Variants in EXOC4 observed in about 807,000 individuals in gnomAD.
The protein encoded by EXOC4 is SEC8-like 1.
A neutral mutation model predicts 107.2 loss-of-function variants in EXOC4; 71 were observed. The observed-to-expected ratio is 0.66, with a 90% CI of 0.55 to 0.81. The LOEUF is 0.81. EXOC4 is among the 30% of genes least tolerant of loss of function. The probability of loss-of-function intolerance (pLI) is 0.00; values close to 1 mark genes in which losing one functional copy is unlikely to be tolerated. For synonymous variants in EXOC4, 456 were observed against 441.2 expected (o/e 1.03, Z -0.42); for missense variants, 1,108 against 1,189.6 (o/e 0.93, Z 1.01).
intron 17 of EXOC4, among the ~76,000 whole-genome samples, chr7:134,016,515 C>T (rs1794912170): frequency 6.6e-6 from 1 of 152,152 alleles, no homozygotes. Flanking sequence ...ATCCTTCTTC[C>T]CAATAAATGG....
At chr7:133,496,831 T>G (rs1487289691) in intron 9 of EXOC4, among the ~76,000 whole-genome samples, 4 of 152,152 alleles carry the variant, frequency 2.6e-5, no homozygotes, top group Admixed American at 1.3e-4. Context: ...CGGGGTTAGT[T>G]TTTTATATGG....
chr7:133,539,339 A>G (rs1274683819), intron 9 of EXOC4, among the ~76,000 whole-genome samples: 3 of 151,768 alleles, frequency 2.0e-5, no homozygotes, highest in Non-Finnish European at 4.4e-5. Context: ...TTATTGTCTG[A>G]CAAAAATGGC....
chr7:133,784,122 A>G (rs1356226168), intron 10 of EXOC4, among the ~76,000 whole-genome samples: 1 of 152,182 alleles, frequency 6.6e-6, no homozygotes, highest in African/African-American at 2.4e-5. Flanking sequence ...ATTTTTTAAA[A>G]GAGCTTTATC....
At chr7:133,776,390 A>C (rs1317106546) in intron 10 of EXOC4, among the ~76,000 whole-genome samples, 4 of 152,054 alleles carry the variant, frequency 2.6e-5, no homozygotes, top group African/African-American at 7.2e-5. Flanking sequence ...TTATTCAGTC[A>C]TTTTTCAGGA....
chr7:133,464,666 C>T (rs1380263876), intron 7 of EXOC4, among the ~76,000 whole-genome samples: 5 of 152,034 alleles, frequency 3.3e-5, no homozygotes, highest in African/African-American at 1.2e-4. Context: ...CTGAGAAAGA[C>T]TCTGTGATGA....
intron 5 of EXOC4, among the ~76,000 whole-genome samples, chr7:133,349,849 T>TGG (rs202140675): frequency 6.6e-6 from 1 of 151,438 alleles, no homozygotes; most frequent in African/African-American, 2.4e-5. Context: ...TGTTTTTTTT[T>TGG]GGGGGGGGTG....
the EXOC4 span, among the ~76,000 whole-genome samples, chr7:134,096,650 GT>G: frequency 1.3e-5 from 2 of 152,178 alleles, no homozygotes; most frequent in African/African-American, 4.8e-5. Flanking sequence ...CACTGGTTAA[GT>G]CCAAGAGTCC....
rs1221688200 is a variant in EXOC4, at chr7:133,467,263, T to C, written c.1183-8065T>C. ...TTGCAGAATGACTGATTAAATTTTG[T>C]TCATTTTATCTTCTCTGCATTGACT... On this transcript the variant is annotated intron_variant, in intron 7 of 17. Transcript: ENST00000253861. 2.0e-5 allele frequency among the ~76,000 whole-genome samples: 3 copies of C among 151,580 alleles called. No individual in the cohort carries two copies. The East Asian group carries it at 5.8e-4, about 29-fold the overall frequency.
intron 5 of EXOC4, among the ~76,000 whole-genome samples, chr7:133,341,156 T>A (rs1183312213): frequency 6.6e-6 from 1 of 152,180 alleles, no homozygotes; most frequent in Non-Finnish European, 1.5e-5. Flanking sequence ...GACTTTTTGA[T>A]GTAGGTGTTC....
chr7:134,007,883 C>A, intron 17 of EXOC4, 48 bp downstream of exon 17: 1 of 1,525,028 alleles, frequency 6.6e-7, no homozygotes, highest in South Asian at 1.3e-5. Context: ...GCTAAGACCT[C>A]GTTGCCTGTG....
At chr7:133,931,393 ATC>A (rs1338752609) in intron 13 of EXOC4, among the ~76,000 whole-genome samples, 1 of 152,212 alleles carries the variant, frequency 6.6e-6, no homozygotes, top group Non-Finnish European at 1.5e-5. Flanking sequence ...TGTAGGAGGA[ATC>A]TCAGAATATG....
chr7:133,689,070 G>A (rs778235550), intron 10 of EXOC4, among the ~76,000 whole-genome samples: 1 of 152,130 alleles, frequency 6.6e-6, no homozygotes, highest in Admixed American at 6.5e-5. Flanking sequence ...CTATGCTGTG[G>A]TCTCTTAGGT....
intron 2 of EXOC4, among the ~76,000 whole-genome samples, chr7:133,281,406 C>T (rs115352486): frequency 0.012 from 1,811 of 148,026 alleles, 28 homozygotes; most frequent in African/African-American, 0.041. Flanking sequence ...TGGTCTCTTA[C>T]GGCAGGAGAA....
At chr7:134,056,732 G>A (rs986265676) in intron 17 of EXOC4, among the ~76,000 whole-genome samples, 1 of 152,174 alleles carries the variant, frequency 6.6e-6, no homozygotes, top group Non-Finnish European at 1.5e-5. Flanking sequence ...TTGTTGAAGA[G>A]GACATGTCAA....
chr7:133,628,731 G>A (rs1164085038), intron 9 of EXOC4, among the ~76,000 whole-genome samples: 1 of 152,070 alleles, frequency 6.6e-6, no homozygotes, highest in Non-Finnish European at 1.5e-5. Flanking sequence ...TGTGAGCTTG[G>A]GTTACTCCTT....
rs58843853 is a variant in EXOC4, at chr7:133,449,721, T to TTG, written c.1183-25581_1183-25580dup. Among the ~76,000 whole-genome samples, 1,430 of 147,838 alleles carry TTG rather than the reference T, an allele frequency of 9.7e-3. 7 individuals are homozygous for TTG. The highest frequency in any genetic ancestry group is 0.019 in the African/African-American group (746 of 39,836). ...TTTTCTGTAAAGCAAGAAAATACAT[T>TTG]TGTGTGTGTGTGTGTGTGTGTGTGT... On this transcript the variant is annotated intron_variant, in intron 7 of 17. Coordinates refer to ENST00000253861, the MANE Select transcript of EXOC4 (RefSeq NM_021807.4).
chr7:133,466,790 C>T (rs182597303), intron 7 of EXOC4, among the ~76,000 whole-genome samples: 51 of 152,096 alleles, frequency 3.4e-4, no homozygotes, highest in African/African-American at 1.1e-3. Flanking sequence ...TTGAATGTAT[C>T]GACATATAAA....
intron 7 of EXOC4, among the ~76,000 whole-genome samples, chr7:133,436,145 G>A (rs1797969093): frequency 6.6e-6 from 1 of 151,078 alleles, no homozygotes; most frequent in Admixed American, 6.6e-5. Context: ...GTTTTTGAAA[G>A]ATGTTTTTCT....
chr7:133,956,055 C>A (rs1001937028), intron 14 of EXOC4, among the ~76,000 whole-genome samples: 1 of 152,232 alleles, frequency 6.6e-6, no homozygotes, highest in East Asian at 1.9e-4. Flanking sequence ...GCTCCTGGCC[C>A]CCAAGAGCAC....
Sources: gnomAD v4.1 joint callset for allele counts (sites outside exome capture counted in the v4.1 genomes callset) on GRCh38, gnomAD v4.1.1 for gene constraint, MANE v1.5 for transcripts, NCBI Gene and HGNC (gene_info 2026-07-23, HGNC 2026-07-21) for gene names.